The following SUSD4 variants were observed in gnomAD, a reference collection of about 807,000 sequenced individuals.
SUSD4 encodes sushi domain containing 4.
Under a neutral mutation model 50.5 loss-of-function variants are expected in SUSD4, and 41 were observed. The observed-to-expected ratio is 0.81, with a 90% CI of 0.63 to 1.05. SUSD4 has a LOEUF of 1.05. SUSD4 is among the 50% of genes least tolerant of loss of function. SUSD4 has a pLI of 0.00. For missense variants in SUSD4, 580 were observed against 634.7 expected (o/e 0.91, Z 0.93); for synonymous variants, 257 against 257.3 (o/e 1.00, Z 0.01).
rs1469880525 is a variant in SUSD4 at position 223,275,546 on chromosome 1, T to TCTCATG, written c.362-6877_362-6872dup. 3.3e-5 allele frequency among the ~76,000 whole-genome samples: 5 copies of TCTCATG among 152,202 alleles called. No individual in the cohort carries two copies. In the South Asian group the frequency reaches 1.0e-3, roughly 32 times the overall value. On this transcript the variant is annotated intron_variant, in intron 3 of 8. Coordinates refer to ENST00000366878, the MANE Select transcript of SUSD4 (RefSeq NM_017982.4). ...TGACTTCCAGAGGTTCTACCCCATGTCTCATGCTCTGCTCATAGAGTGCAC... is the reference window on the plus strand; with the variant it reads ...TGACTTCCAGAGGTTCTACCCCATGTCTCATGCTCATGCTCTGCTCATAGAGTGCAC...
chr1:223,238,055 C>T (rs1203434477), intron 5 of SUSD4, among the ~76,000 whole-genome samples: 1 of 151,902 alleles, frequency 6.6e-6, no homozygotes, highest in African/African-American at 2.4e-5. Flanking sequence ...TGGTCTATTT[C>T]TTCTTGTGTG....
chr1:223,344,477 G>T (rs1667924264), intron 2 of SUSD4, among the ~76,000 whole-genome samples: 1 of 152,036 alleles, frequency 6.6e-6, no homozygotes, highest in Non-Finnish European at 1.5e-5. Flanking sequence ...AATAACAGTG[G>T]TCTGCTTATT....
In SUSD4 at chr1:223,348,939, C is replaced by T. The variant is rs547665212; in HGVS notation, c.148+14339G>A. 3.7e-4 allele frequency among the ~76,000 whole-genome samples: 56 copies of T among 152,164 alleles called. No individual in the cohort carries two copies. In the South Asian group the frequency reaches 0.011, roughly 30 times the overall value. Reference sequence around the variant, plus strand: ...GGGCTGGGGGACGGTTCAGAGACCTCCAGGAGCTGGTCCATGGGCATGAAG... The same window carrying T: ...GGGCTGGGGGACGGTTCAGAGACCTTCAGGAGCTGGTCCATGGGCATGAAG... On this transcript the variant is annotated intron_variant, in intron 2 of 8. Transcript: ENST00000366878.
intron 2 of SUSD4, among the ~76,000 whole-genome samples, chr1:223,333,231 C>T (rs1667273732): frequency 6.6e-6 from 1 of 152,104 alleles, no homozygotes; most frequent in Non-Finnish European, 1.5e-5. Context: ...CAGCTTAGAT[C>T]TACGTGCATT....
chr1:223,364,726 C>G (rs1022580015), upstream of SUSD4, among the ~76,000 whole-genome samples: 1 of 151,776 alleles, frequency 6.6e-6, no homozygotes, highest in Non-Finnish European at 1.5e-5. This position sits in a 1 kb window ranked among gnomAD's most constrained non-coding sequence, Gnocchi z 4.5. Context: ...GCGGCGGTGG[C>G]TGCAGACCCG....
At chr1:223,323,923 TA>T (rs201724634) in intron 2 of SUSD4, among the ~76,000 whole-genome samples, 1 of 150,346 alleles carries the variant, frequency 6.7e-6, no homozygotes, top group Admixed American at 6.6e-5. Flanking sequence ...CCAATTATTT[TA>T]AAAAAAAAGA....
At chr1:223,348,887 A>G (rs1450353811) in intron 2 of SUSD4, among the ~76,000 whole-genome samples, 1 of 152,150 alleles carries the variant, frequency 6.6e-6, no homozygotes, top group Non-Finnish European at 1.5e-5. Context: ...AAATGCATAT[A>G]CAAGTCTTCA....
chr1:223,336,581 T>C (rs777513532), intron 2 of SUSD4, among the ~76,000 whole-genome samples: 1 of 152,188 alleles, frequency 6.6e-6, no homozygotes, highest in Non-Finnish European at 1.5e-5. Context: ...CTGTGCTTAG[T>C]AGAATTCATG....
intron 2 of SUSD4, among the ~76,000 whole-genome samples, chr1:223,314,209 T>G (rs1321272506): frequency 6.6e-6 from 1 of 152,176 alleles, no homozygotes; most frequent in Non-Finnish European, 1.5e-5. Flanking sequence ...TGCCTGTTAC[T>G]AAACCTTTTC....
chr1:223,227,102 T>C lies in SUSD4; in HGVS notation c.1061+492A>G, dbSNP rs1385005236. Among the ~76,000 whole-genome samples, 1 of 152,192 alleles carries C rather than the reference T, an allele frequency of 6.6e-6. No homozygotes were observed. Among genetic ancestry groups the C allele is most frequent in the Non-Finnish European group, 1.5e-5 (1 of 68,042 alleles). On this transcript the variant is annotated intron_variant, in intron 7 of 8. Coordinates refer to ENST00000366878, the MANE Select transcript of SUSD4 (RefSeq NM_017982.4). The surrounding 1 kb of genome is among the most constrained non-coding windows in gnomAD (Gnocchi z 4.5). The stretch of plus-strand genomic sequence containing the variant: ...CTTCATGGTAGACTCTCACTAGCCC[T>C]TTCCTGATTGCTCCTGGAATCAGAA...
chr1:223,284,178 T>TA (rs1481819911), intron 3 of SUSD4, among the ~76,000 whole-genome samples: 22 of 152,200 alleles, frequency 1.4e-4, no homozygotes, highest in African/African-American at 5.1e-4. Flanking sequence ...CATGTATACA[T>TA]ATGTAACAAA....
intron 3 of SUSD4, among the ~76,000 whole-genome samples, chr1:223,280,448 T>C (rs1229919830): frequency 1.3e-5 from 2 of 151,794 alleles, no homozygotes; most frequent in Non-Finnish European, 2.9e-5. Context: ...TGGTCTCTGA[T>C]AAAACAGACT....
chr1:223,274,796 C>CA (rs1181657662), intron 3 of SUSD4, among the ~76,000 whole-genome samples: 1 of 151,914 alleles, frequency 6.6e-6, no homozygotes, highest in African/African-American at 2.4e-5. Flanking sequence ...GGAACATTTA[C>CA]AAAAAATGAC....
intron 2 of SUSD4, among the ~76,000 whole-genome samples, chr1:223,333,682 G>A (rs74436154): frequency 0.02 from 3,083 of 152,224 alleles, 110 homozygotes; most frequent in African/African-American, 0.071. Flanking sequence ...TCCCAGAAAC[G>A]CTGGGGAATT....
In SUSD4 at chr1:223,231,062, G is replaced by A. The variant is rs908416304; in HGVS notation, c.725-1674C>T. ...GGAAGCCACTACCGCTCCTGGGCTG[G>A]TGGGATGAAGGGGTCTCGTTGCTGG... On this transcript the variant is annotated intron_variant, in intron 5 of 8. Transcript: ENST00000366878. This position sits in a 1 kb window ranked among gnomAD's most constrained non-coding sequence, Gnocchi z 4.2. Among the ~76,000 whole-genome samples, 1 of 152,180 alleles carries A rather than the reference G, an allele frequency of 6.6e-6. No individual in the cohort carries two copies. Among genetic ancestry groups the A allele is most frequent in the Non-Finnish European group, 1.5e-5 (1 of 68,022 alleles).
chr1:223,320,680 C>CAGGAAG (rs1327598066), intron 2 of SUSD4, among the ~76,000 whole-genome samples: 2 of 152,194 alleles, frequency 1.3e-5, no homozygotes, highest in Non-Finnish European at 2.9e-5. Flanking sequence ...GCAGCTCACA[C>CAGGAAG]AGGAAGAGGG....
intron 5 of SUSD4, among the ~76,000 whole-genome samples, chr1:223,239,991 T>C (rs977860122): frequency 1.3e-5 from 2 of 152,170 alleles, no homozygotes; most frequent in Non-Finnish European, 2.9e-5. Context: ...TTCCACATTT[T>C]TGTTTGCCCA....
intron 2 of SUSD4, among the ~76,000 whole-genome samples, chr1:223,361,671 C>T (rs953985906): frequency 6.6e-5 from 10 of 152,152 alleles, no homozygotes; most frequent in African/African-American, 1.4e-4. Context: ...CATCCAATAA[C>T]AATAGTCAAG....
At chr1:223,278,734 G>C (rs973231471) in intron 3 of SUSD4, among the ~76,000 whole-genome samples, 1 of 152,138 alleles carries the variant, frequency 6.6e-6, no homozygotes, top group African/African-American at 2.4e-5. Flanking sequence ...CTCCCAGCAC[G>C]GAGTTTGAGA....
Sources: allele counts gnomAD v4.1 joint callset (sites outside exome capture counted in the v4.1 genomes callset), GRCh38; gene constraint gnomAD v4.1.1; non-coding constraint Gnocchi (gnomAD v3.1); transcripts MANE v1.5; gene names NCBI Gene and HGNC (gene_info 2026-07-23, HGNC 2026-07-21).